SPPL3: variants seen among roughly 807,000 people sequenced by gnomAD.
SPPL3 encodes signal peptide peptidase-like 3.
In SPPL3, 5 loss-of-function variants were observed where a neutral mutation model predicts 42.4. That is an observed-to-expected ratio of 0.12 (90% confidence interval 0.06 to 0.25). The LOEUF is 0.25. Ranked by LOEUF, SPPL3 falls within the 10% of genes least tolerant of loss-of-function variation. The pLI is 1.00. For missense variants in SPPL3, 235 were observed against 489.0 expected, an observed-to-expected ratio of 0.48 and a Z score of 4.90; for synonymous variants, 195 against 181.8, an observed-to-expected ratio of 1.07 and a Z score of -0.58.
At chr12:120,836,755 C>T (rs1871634112) in intron 1 of SPPL3, among the ~76,000 whole-genome samples, 1 of 152,202 alleles carries the variant, frequency 6.6e-6, no homozygotes, top group Non-Finnish European at 1.5e-5. Context: ...TAGTTCCATT[C>T]ACTATCCTGA....
intron 1 of SPPL3, among the ~76,000 whole-genome samples, chr12:120,827,355 T>TAATAATA (rs1292632080): frequency 1.1e-4 from 15 of 138,710 alleles, no homozygotes; most frequent in African/African-American, 4.2e-4. Flanking sequence ...ATAATAATAA[T>TAATAATA]ATAATAATAT....
intron 1 of SPPL3, among the ~76,000 whole-genome samples, chr12:120,884,577 A>G (rs1441405013): frequency 6.6e-6 from 1 of 151,198 alleles, no homozygotes; most frequent in Non-Finnish European, 1.5e-5. Context: ...CAACTGTCAC[A>G]ATATATGGAT....
chr12:120,852,878 T>TGATATATGAAATA lies in SPPL3; in HGVS notation c.24-41993_24-41992insTATTTCATATATC, dbSNP rs1461979024. Among the ~76,000 whole-genome samples, 96 of 138,182 alleles carry TGATATATGAAATA rather than the reference T, an allele frequency of 6.9e-4. 24 individuals carry two copies. Among genetic ancestry groups the TGATATATGAAATA allele is most frequent in the South Asian group, 1.6e-3 (7 of 4,346 alleles). The allele number at this position is 138,182 out of a possible 152,430, so 90.7% of individuals were successfully genotyped here. A position where few individuals can be genotyped will look rare whatever the true frequency, so the allele number is the denominator to read the frequency against. ...ACATATTTCATATAATATATACATATCATATATATTTCATATATATATATA... is the reference window on the plus strand; with the variant it reads ...ACATATTTCATATAATATATACATATGATATATGAAATACATATATATTTCATATATATATATA... On this transcript the variant is annotated intron_variant, in intron 1 of 10. Coordinates refer to ENST00000353487, the MANE Select transcript of SPPL3 (RefSeq NM_139015.5).
chr12:120,805,561 C>A (rs1282230032), intron 2 of SPPL3, among the ~76,000 whole-genome samples: 2 of 152,182 alleles, frequency 1.3e-5, no homozygotes, highest in African/African-American at 4.8e-5. Flanking sequence ...TTGAAAGCAG[C>A]AGCAAAACTG....
chr12:120,767,775 A>T (rs1181294081), intron 8 of SPPL3, among the ~76,000 whole-genome samples, 182 bp from the exon 9 acceptor site: 1 of 152,242 alleles, frequency 6.6e-6, no homozygotes, highest in Non-Finnish European at 1.5e-5. Flanking sequence ...CAGTACTGGC[A>T]CTAGAGGTCT....
intron 1 of SPPL3, among the ~76,000 whole-genome samples, chr12:120,823,087 A>G (rs1871120132): frequency 6.6e-6 from 1 of 151,800 alleles, no homozygotes; most frequent in African/African-American, 2.4e-5. Context: ...AAAGTAGTCA[A>G]GCAGTTCAGT....
At chr12:120,863,121 G>T (rs1346014204) in intron 1 of SPPL3, among the ~76,000 whole-genome samples, 1 of 152,224 alleles carries the variant, frequency 6.6e-6, no homozygotes, top group Non-Finnish European at 1.5e-5. Flanking sequence ...GCTGAGGTGG[G>T]TGGATCACCT....
intron 1 of SPPL3, among the ~76,000 whole-genome samples, chr12:120,861,451 T>C (rs1791100879): frequency 6.6e-6 from 1 of 151,808 alleles, no homozygotes; most frequent in African/African-American, 2.4e-5. Context: ...GGAAAAAGAG[T>C]AAGATTTTTT....
At chr12:120,776,891 T>C (rs1184390346) in intron 6 of SPPL3, among the ~76,000 whole-genome samples, 1 of 152,204 alleles carries the variant, frequency 6.6e-6, no homozygotes, top group Non-Finnish European at 1.5e-5. Flanking sequence ...ATATCATTTG[T>C]CATAATATGG....
intron 1 of SPPL3, among the ~76,000 whole-genome samples, chr12:120,857,523 GTGTT>G (rs1442061197): frequency 2.0e-5 from 3 of 152,164 alleles, no homozygotes; most frequent in Non-Finnish European, 4.4e-5. Context: ...ACACATGCAT[GTGTT>G]TGTTTATTGC....
intron 1 of SPPL3, 50 bp downstream of exon 1, chr12:120,903,795 C>T: frequency 1.4e-6 from 2 of 1,430,918 alleles, no homozygotes; most frequent in Non-Finnish European, 1.8e-6. Context: ...GCGCCGGCGC[C>T]CCGACCCCCA....
chr12:120,789,824 C>CAA (rs3050392), intron 3 of SPPL3, among the ~76,000 whole-genome samples: 3,115 of 30,416 alleles, frequency 0.1, 727 homozygotes, highest in African/African-American at 0.15. Flanking sequence ...GACTCCGTCT[C>CAA]AAAAAAAAAA....
chr12:120,820,557 C>G (rs1364058431), intron 1 of SPPL3, among the ~76,000 whole-genome samples: 2 of 152,024 alleles, frequency 1.3e-5, no homozygotes, highest in African/African-American at 4.8e-5. Flanking sequence ...ACCTTGTGAT[C>G]TGCCCGCCTC....
chr12:120,816,219 C>T (rs1870871298), intron 1 of SPPL3, among the ~76,000 whole-genome samples: 1 of 152,098 alleles, frequency 6.6e-6, no homozygotes, highest in Non-Finnish European at 1.5e-5. Context: ...GTGAGCATGT[C>T]CCCCACTGCA....
At chr12:120,900,400 T>TGAGTTCAAGACCA (rs1871978385) in intron 1 of SPPL3, among the ~76,000 whole-genome samples, 1 of 151,000 alleles carries the variant, frequency 6.6e-6, no homozygotes, top group African/African-American at 2.4e-5. Context: ...TCACTTGGGC[T>TGAGTTCAAGACCA]GAGTTCAAGA....
At chr12:120,884,123 C>T (rs1017428570) in intron 1 of SPPL3, among the ~76,000 whole-genome samples, 3 of 143,624 alleles carry the variant, frequency 2.1e-5, no homozygotes, top group Non-Finnish European at 3.0e-5. Context: ...AAAAAAAATG[C>T]AGATGTAAAT....
intron 6 of SPPL3, among the ~76,000 whole-genome samples, chr12:120,780,054 A>C (rs1009780663): frequency 2.0e-5 from 3 of 151,006 alleles, no homozygotes; most frequent in African/African-American, 7.3e-5. Flanking sequence ...AAGTTTAAAA[A>C]CATCTCAAGG....
chr12:120,797,054 G>A (rs1189074745), intron 2 of SPPL3, among the ~76,000 whole-genome samples: 1 of 152,002 alleles, frequency 6.6e-6, no homozygotes, highest in Non-Finnish European at 1.5e-5. Context: ...CCTGTAATCC[G>A]AGCTACCCAG....
At chr12:120,899,322 T>C (rs567703810) in intron 1 of SPPL3, among the ~76,000 whole-genome samples, 5 of 152,334 alleles carry the variant, frequency 3.3e-5, no homozygotes, top group Middle Eastern at 3.4e-3. Flanking sequence ...CTTTGATAAG[T>C]ACTTGGGTTA....
Sources: allele counts gnomAD v4.1 joint callset (sites outside exome capture counted in the v4.1 genomes callset), GRCh38; gene constraint gnomAD v4.1.1; transcripts MANE v1.5; gene names NCBI Gene and HGNC (gene_info 2026-07-23, HGNC 2026-07-21).